Variants in KCTD4 observed in about 807,000 individuals in gnomAD.
KCTD4 encodes the protein potassium channel tetramerization domain containing 4.
In KCTD4, 12 loss-of-function variants were observed where a neutral mutation model predicts 18.3. The ratio of observed to expected loss-of-function variants is 0.66; its 90% CI spans 0.42 to 1.06. KCTD4 has a LOEUF of 1.06. Ranked by LOEUF, KCTD4 falls within the 50% of genes least tolerant of loss-of-function variation. The probability of loss-of-function intolerance (pLI) is 0.00; values close to 1 mark genes in which losing one functional copy is unlikely to be tolerated. For missense variants in KCTD4, 250 were observed against 303.4 expected, an observed-to-expected ratio of 0.82 and a Z score of 1.31; for synonymous variants, 124 against 110.5, an observed-to-expected ratio of 1.12 and a Z score of -0.76.
chr13:45,194,923 G>A (rs1480760755), intron 1 of KCTD4, among the ~76,000 whole-genome samples, 169 bp from the exon 2 acceptor site: 1 of 152,222 alleles, frequency 6.6e-6, no homozygotes, highest in Non-Finnish European at 1.5e-5. Context: ...ATCCAAATGT[G>A]AATGTTTAAC....
At chr13:45,197,647 T>C (rs1356330570) in intron 1 of KCTD4, among the ~76,000 whole-genome samples, 2 of 152,176 alleles carry the variant, frequency 1.3e-5, no homozygotes, top group Non-Finnish European at 2.9e-5. Flanking sequence ...GTGGTACACA[T>C]GCCCCTTAGG....
chr13:45,193,395 A>G lies in KCTD4; in HGVS notation c.*393T>C, dbSNP rs773419508. 2.3e-4 allele frequency: 37 copies of G among 159,300 alleles called. No homozygotes were observed. The highest frequency in any genetic ancestry group is 3.3e-3 in the Middle Eastern group (1 of 300). The allele number at this position is 159,300 out of a possible 1,614,324, so 9.9% of individuals were successfully genotyped here. A position where few individuals can be genotyped will look rare whatever the true frequency, so the allele number is the denominator to read the frequency against. Reference sequence around the variant, plus strand: ...TTGCCATAGTAGAAAAGGATTTTAAATATTAATAGCCCCTTAAAATATTTT... The same window carrying G: ...TTGCCATAGTAGAAAAGGATTTTAAGTATTAATAGCCCCTTAAAATATTTT... On this transcript the variant is annotated 3_prime_UTR_variant, in exon 2 of 2. Coordinates refer to ENST00000379108, the MANE Select transcript of KCTD4 (RefSeq NM_198404.3).
Position 45,193,514 on chromosome 13 carries a change from A to T in KCTD4, c.*274T>A. On this transcript the variant is annotated 3_prime_UTR_variant, in exon 2 of 2. Transcript: ENST00000379108. ...ATCTGAATTGAAAGACAGCTTAAGG[A>T]CAAATAAATAGCAAAAGCTTTCAGT... The T allele has an allele frequency of 6.1e-6, 2 of 330,258 alleles. No homozygotes were observed. Among genetic ancestry groups the T allele is most frequent in the Non-Finnish European group, 1.1e-5 (2 of 181,860 alleles). The allele number at this position is 330,258 out of a possible 1,614,324, so 20.5% of individuals were successfully genotyped here. A position where few individuals can be genotyped will look rare whatever the true frequency, so the allele number is the denominator to read the frequency against.
Position 45,193,139 on chromosome 13 carries a change from A to G in KCTD4, c.*649T>C, listed in dbSNP as rs907818065. 6.6e-6 allele frequency: 1 copy of G among 152,242 alleles called. No individual in the cohort carries two copies. Among genetic ancestry groups the G allele is most frequent in the Non-Finnish European group, 1.5e-5 (1 of 68,032 alleles). 9.4% of individuals were successfully genotyped at this position (152,242 alleles called of 1,614,324 possible). ...TTTTATTTACTTTTTATTGTCATCAAGCAGTTTTCTAGGAATTTTCAGCAA... is the reference window on the plus strand; with the variant it reads ...TTTTATTTACTTTTTATTGTCATCAGGCAGTTTTCTAGGAATTTTCAGCAA... On this transcript the variant is annotated 3_prime_UTR_variant, in exon 2 of 2. Transcript: ENST00000379108.
chr13:45,197,955 T>C (rs1216512444), intron 1 of KCTD4, among the ~76,000 whole-genome samples: 1 of 152,218 alleles, frequency 6.6e-6, no homozygotes, highest in African/African-American at 2.4e-5. Flanking sequence ...GATTTGAAGA[T>C]TTTATCTGCC....
In KCTD4 at chr13:45,194,320, C is replaced by T. The variant is rs754994296; in HGVS notation, c.248G>A (p.Gly83Asp). 1.2e-6 allele frequency: 2 copies of T among 1,614,018 alleles called. No homozygotes were observed. Among genetic ancestry groups the T allele is most frequent in the African/African-American group, 1.3e-5 (1 of 74,922 alleles). ...GTTTAGGACATGCCTGAAGAGGAGA[C>T]CATCCCTGTCTATGAAATAATGACC... Reference protein sequence around the residue: ...ADGHYFIDRDGLLFRHVLNFL... With the variant: ...ADGHYFIDRDDLLFRHVLNFL... The change falls in exon 2 of 2, where the codon GGT becomes GAT. Residue 83 changes from glycine to aspartate, a missense_variant. By Grantham distance (94) the Gly-to-Asp change is moderately conservative (BLOSUM62 -1). Transcript: ENST00000379108.
At chr13:45,200,226 G>A (rs1014595470) in intron 1 of KCTD4, among the ~76,000 whole-genome samples, 6 of 152,048 alleles carry the variant, frequency 3.9e-5, no homozygotes, top group Admixed American at 3.9e-4. Context: ...AGGGAGGAGG[G>A]AAAGAATTTT....
Position 45,194,384 on chromosome 13 carries a change from T to C in KCTD4, c.184A>G (p.Ile62Val). ...TKYPDTFLEG[I>V]VNGKILCPFD... ...GGGCAGAGGATTTTTCCATTTACTA[T>C]ACCTTCAAGGAAAGTGTCTGGGTAC... Residue 62 changes from isoleucine (I) to valine (V), a missense_variant, in exon 2 of 2, where the codon ATA becomes GTA. Ile to Val is a conservative substitution (Grantham distance 29, BLOSUM62 3). Transcript: ENST00000379108. The C allele has an allele frequency of 6.2e-7, 1 of 1,614,176 alleles. No individual in the cohort carries two copies. Among genetic ancestry groups the C allele is most frequent in the South Asian group, 1.1e-5 (1 of 91,076 alleles).
At chr13:45,195,003 A>G (rs1049900118) in intron 1 of KCTD4, among the ~76,000 whole-genome samples, 29 of 152,232 alleles carry the variant, frequency 1.9e-4, no homozygotes, top group Admixed American at 1.9e-3. Flanking sequence ...CATCTTTTGG[A>G]AAATAATGTA....
intron 1 of KCTD4, among the ~76,000 whole-genome samples, chr13:45,195,431 CTG>C (rs1399007365): frequency 1.3e-5 from 2 of 152,082 alleles, no homozygotes; most frequent in Non-Finnish European, 2.9e-5. Context: ...AATACTGTGA[CTG>C]TGTATGTGCA....
At chr13:45,199,820 C>T (rs958998216) in intron 1 of KCTD4, among the ~76,000 whole-genome samples, 1 of 152,146 alleles carries the variant, frequency 6.6e-6, no homozygotes, top group Non-Finnish European at 1.5e-5. Context: ...CGTATACTAG[C>T]GCCTGCCACT....
chr13:45,194,379 T>C lies in KCTD4; in HGVS notation c.189A>G (p.Val63=). 6.2e-7 allele frequency: 1 copy of C among 1,614,204 alleles called. No individual in the cohort carries two copies. The highest frequency in any genetic ancestry group is 8.5e-7 in the Non-Finnish European group (1 of 1,180,018). ...CAAACGGGCAGAGGATTTTTCCATT[T>C]ACTATACCTTCAAGGAAAGTGTCTG... ...KYPDTFLEGI[V]NGKILCPFDA... Residue 63 remains valine (V), a synonymous_variant, in exon 2 of 2, where the codon GTA becomes GTG. Transcript: ENST00000379108.
In KCTD4 at chr13:45,194,740, G is replaced by A. The variant is rs2138174193; in HGVS notation, c.-173C>T. On this transcript the variant is annotated 5_prime_UTR_variant, in exon 2 of 2. Coordinates refer to ENST00000379108, the MANE Select transcript of KCTD4 (RefSeq NM_198404.3). ...TGCAGTAGGTGGCGTATCAGCCTAT[G>A]TATGCAGGAGCTTTCTGGAGTAAGA... is the stretch of plus-strand genomic sequence containing the variant. 1.6e-6 allele frequency: 1 copy of A among 617,052 alleles called. No homozygotes were observed. The highest frequency in any genetic ancestry group is 2.9e-6 in the Non-Finnish European group (1 of 341,988). 38.2% of individuals were successfully genotyped at this position (617,052 alleles called of 1,614,324 possible).
chr13:45,194,537 C>G lies in KCTD4; in HGVS notation c.31G>C (p.Glu11Gln), dbSNP rs1872795091. Reference protein sequence around the residue: MERKINRREKEKEYEGKHNSL... With the variant: MERKINRREKQKEYEGKHNSL... Reference sequence around the variant, plus strand: ...TTGTGTTTCCCTTCATACTCCTTTTCTTTTTCTCTTCTGTTTATTTTACGC... The same window carrying G: ...TTGTGTTTCCCTTCATACTCCTTTTGTTTTTCTCTTCTGTTTATTTTACGC... The change falls in exon 2 of 2, where the codon GAA becomes CAA. Residue 11 changes from glutamate to glutamine, a missense_variant. Coordinates refer to ENST00000379108, the MANE Select transcript of KCTD4 (RefSeq NM_198404.3). 1 of 1,612,884 alleles carries G rather than the reference C, an allele frequency of 6.2e-7. No homozygotes were observed. Among genetic ancestry groups the G allele is most frequent in the Middle Eastern group, 1.7e-4 (1 of 6,058 alleles).
chr13:45,194,330 C>G lies in KCTD4; in HGVS notation c.238G>C (p.Asp80His). 3.1e-6 allele frequency: 5 copies of G among 1,614,120 alleles called. No individual in the cohort carries two copies. The highest frequency in any genetic ancestry group is 4.2e-6 in the Non-Finnish European group (5 of 1,180,004). ...TGCCTGAAGAGGAGACCATCCCTGT[C>G]TATGAAATAATGACCATCAGCATCA... Reference protein sequence around the residue: ...PFDADGHYFIDRDGLLFRHVL... With the variant: ...PFDADGHYFIHRDGLLFRHVL... The change falls in exon 2 of 2, where the codon GAC becomes CAC. Residue 80 changes from aspartate (D) to histidine (H), a missense_variant. Transcript: ENST00000379108.
chr13:45,196,719 T>C (rs994277773), intron 1 of KCTD4, among the ~76,000 whole-genome samples: 1 of 152,224 alleles, frequency 6.6e-6, no homozygotes, highest in Non-Finnish European at 1.5e-5. Context: ...GGATAGATAC[T>C]ATGTACTCTG....
At chr13:45,200,388 C>CA (rs1873117792) in intron 1 of KCTD4, among the ~76,000 whole-genome samples, 1 of 151,366 alleles carries the variant, frequency 6.6e-6, no homozygotes, top group Admixed American at 6.6e-5. Context: ...ATTGCAACCT[C>CA]AACCTCCTGG....
intron 1 of KCTD4, among the ~76,000 whole-genome samples, chr13:45,195,150 G>A (rs2138174727): frequency 6.6e-6 from 1 of 152,226 alleles, no homozygotes; most frequent in East Asian, 1.9e-4. Context: ...ACACAAATAA[G>A]AATACTTAAC....
chr13:45,194,092 CAGA>C lies in KCTD4; in HGVS notation c.473_475del (p.Phe158del). 2 of 1,614,088 alleles carry C rather than the reference CAGA, an allele frequency of 1.2e-6. No homozygotes were observed. Among genetic ancestry groups the C allele is most frequent in the Non-Finnish European group, 1.7e-6 (2 of 1,179,982 alleles). ...TTTTGATATGAAATCAGGAGCATTA[CAGA>C]AGATTCTTAATCCTTGTGAACGATC... On this transcript the variant is annotated inframe_deletion, in exon 2 of 2. Transcript: ENST00000379108.
Sources: allele counts gnomAD v4.1 joint callset (sites outside exome capture counted in the v4.1 genomes callset), GRCh38; gene constraint gnomAD v4.1.1; transcripts MANE v1.5; gene names NCBI Gene and HGNC (gene_info 2026-07-23, HGNC 2026-07-21).